CBX5: variants seen among roughly 807,000 people sequenced by gnomAD.
The protein encoded by CBX5 is chromobox 5.
Under a neutral mutation model 20.7 loss-of-function variants are expected in CBX5, and 7 were observed. That is an observed-to-expected ratio of 0.34 (90% CI 0.19 to 0.63). The LOEUF (loss-of-function observed/expected upper bound fraction) is 0.63. Among genes scored for constraint, CBX5 ranks in the 30% least tolerant of loss-of-function variants. The pLI is 0.75. For missense variants in CBX5, 110 were observed against 224.1 expected (o/e 0.49, Z 3.25); for synonymous variants, 78 against 77.0 (o/e 1.01, Z -0.07).
chr12:54,254,679 C>A (rs542841401), intron 2 of CBX5, among the ~76,000 whole-genome samples: 4 of 151,950 alleles, frequency 2.6e-5, no homozygotes, highest in Non-Finnish European at 4.4e-5. Flanking sequence ...ACAGTGAAAC[C>A]CCATCTCTAA....
intron 1 of CBX5, among the ~76,000 whole-genome samples, chr12:54,261,638 C>T (rs1943916767): frequency 1.3e-5 from 2 of 152,088 alleles, no homozygotes; most frequent in South Asian, 4.1e-4. Context: ...TTTGAATGGA[C>T]CATCAGCAAA....
intron 1 of CBX5, among the ~76,000 whole-genome samples, chr12:54,259,838 T>C (rs941198960): frequency 4.6e-5 from 7 of 152,214 alleles, no homozygotes; most frequent in African/African-American, 1.7e-4. Context: ...TGCTTATTCC[T>C]CTAACAGCAC....
chr12:54,254,041 G>A (rs1372906930), intron 2 of CBX5, among the ~76,000 whole-genome samples: 14 of 152,006 alleles, frequency 9.2e-5, no homozygotes, highest in Non-Finnish European at 1.8e-4. Flanking sequence ...GTGAGCCACC[G>A]CATCTAGCCT....
chr12:54,278,343 T>C (rs1428645459), intron 1 of CBX5, among the ~76,000 whole-genome samples: 1 of 152,244 alleles, frequency 6.6e-6, no homozygotes, highest in East Asian at 1.9e-4. Flanking sequence ...AGTATCACTT[T>C]AGTTCTCAGA....
intron 1 of CBX5, among the ~76,000 whole-genome samples, chr12:54,268,933 T>C (rs539074170): frequency 3.9e-5 from 6 of 152,186 alleles, no homozygotes; most frequent in African/African-American, 1.4e-4. Context: ...ATAAAGCAAA[T>C]AGAAGTTAAA....
intron 1 of CBX5, among the ~76,000 whole-genome samples, chr12:54,266,004 G>A (rs1183373645): frequency 6.7e-6 from 1 of 148,972 alleles, no homozygotes; most frequent in African/African-American, 2.5e-5. Context: ...CGGAGATGGT[G>A]CCACTGCACT....
intron 1 of CBX5, chr12:54,273,919 A>G (rs1944035097): frequency 6.6e-6 from 1 of 152,258 alleles, no homozygotes; most frequent in Non-Finnish European, 1.5e-5. Context: ...TATATAAAAC[A>G]TTACTGATCC....
At chr12:54,279,311 A>G (rs1187326105) in intron 1 of CBX5, among the ~76,000 whole-genome samples, 1 of 152,102 alleles carries the variant, frequency 6.6e-6, no homozygotes, top group Non-Finnish European at 1.5e-5. Flanking sequence ...AACAAAAAAA[A>G]ACAACTCCTG....
chr12:54,259,929 T>C (rs1943899635), intron 1 of CBX5, among the ~76,000 whole-genome samples: 1 of 152,068 alleles, frequency 6.6e-6, no homozygotes, highest in South Asian at 2.1e-4. Context: ...GCTCGATCCT[T>C]CTACAACACG....
intron 1 of CBX5, chr12:54,278,667 G>A (rs1944094648): frequency 1.3e-5 from 2 of 152,212 alleles, no homozygotes; most frequent in South Asian, 2.1e-4. Context: ...GGAATAAGCA[G>A]AGTGGGCATT....
intron 4 of CBX5, 61 bp from the exon 5 acceptor site, chr12:54,241,966 T>C: frequency 2.0e-6 from 3 of 1,500,060 alleles, no homozygotes; most frequent in African/African-American, 2.8e-5. Context: ...TGTCCAGACA[T>C]ACGTTTATGT....
chr12:54,258,300 A>C (rs897398367), intron 1 of CBX5: 1 of 152,208 alleles, frequency 6.6e-6, no homozygotes. Context: ...TGACATCTCA[A>C]ACACACTAAT....
At chr12:54,274,319 C>A (rs1486052360) in intron 1 of CBX5, 1 of 152,092 alleles carries the variant, frequency 6.6e-6, no homozygotes, top group Admixed American at 6.6e-5. Flanking sequence ...CCTATTAGTA[C>A]AATGATCAGT....
At chr12:54,269,277 A>C (rs1274274002) in intron 1 of CBX5, among the ~76,000 whole-genome samples, 2 of 152,180 alleles carry the variant, frequency 1.3e-5, no homozygotes, top group African/African-American at 4.8e-5. Context: ...TAAATAAATA[A>C]ATAACTGTTT....
chr12:54,263,462 C>T (rs561385623), intron 1 of CBX5, among the ~76,000 whole-genome samples: 1 of 152,062 alleles, frequency 6.6e-6, no homozygotes, highest in Non-Finnish European at 1.5e-5. Context: ...TAGGCCGGCA[C>T]AGCGGCTCTC....
At position 54,238,984 on chromosome 12, in the gene CBX5, C is replaced by G. The variant is rs549955629; in HGVS notation, c.*2771G>C. ...CAGGTTTCTGTTTGAGGCTGTAATT[C>G]TTCTAGGGCAAGAACATCTACTCAA... is the stretch of plus-strand genomic sequence containing the variant. On this transcript the variant is annotated 3_prime_UTR_variant, in exon 5 of 5. Transcript: ENST00000209875. The G allele has an allele frequency of 6.6e-6, 1 of 152,342 alleles. No homozygotes were observed. The highest frequency in any genetic ancestry group is 2.1e-4 in the South Asian group (1 of 4,830). 9.4% of individuals were successfully genotyped at this position (152,342 alleles called of 1,614,324 possible).
intron 4 of CBX5, among the ~76,000 whole-genome samples, chr12:54,244,002 T>C (rs568735423): frequency 2.6e-5 from 4 of 152,046 alleles, no homozygotes; most frequent in Admixed American, 6.6e-5. Flanking sequence ...CTTTTGATTA[T>C]ACAACTTTTT....
chr12:54,259,951 C>T (rs1012277079), intron 1 of CBX5, among the ~76,000 whole-genome samples: 1 of 152,134 alleles, frequency 6.6e-6, no homozygotes, highest in Non-Finnish European at 1.5e-5. Context: ...TCAGTACAAA[C>T]CACCCATCAC....
intron 3 of CBX5, among the ~76,000 whole-genome samples, chr12:54,248,381 C>T (rs1046147418): frequency 2.6e-5 from 4 of 152,192 alleles, no homozygotes. Context: ...TAGAGATGCC[C>T]AAATGAACTA....
Sources: gnomAD v4.1 joint callset for allele counts (sites outside exome capture counted in the v4.1 genomes callset) on GRCh38, gnomAD v4.1.1 for gene constraint, MANE v1.5 for transcripts, NCBI Gene and HGNC (gene_info 2026-07-23, HGNC 2026-07-21) for gene names.